The following NCALD variants were observed in gnomAD, a reference collection of about 807,000 sequenced individuals.
The protein encoded by NCALD is neurocalcin-delta.
Under a neutral mutation model 18.6 loss-of-function variants are expected in NCALD, and 10 were observed. That is an observed-to-expected ratio of 0.54 (90% CI 0.33 to 0.91). The LOEUF (loss-of-function observed/expected upper bound fraction) is 0.91, where lower values mean the gene tolerates loss of function less well. Ranked by LOEUF, NCALD falls within the 40% of genes least tolerant of loss-of-function variation. The pLI is 0.03. For missense variants in NCALD, 184 were observed against 247.6 expected (o/e 0.74, Z 1.72); for synonymous variants, 88 against 87.4 (o/e 1.01, Z -0.04).
At chr8:102,098,164 A>G (rs1825164445) in intron 1 of NCALD, among the ~76,000 whole-genome samples, 1 of 152,118 alleles carries the variant, frequency 6.6e-6, no homozygotes, top group Non-Finnish European at 1.5e-5. Context: ...GATTGGGATG[A>G]CCTCCAGTTG....
rs551978208 is a variant in NCALD, at chr8:101,729,498, C to A, written c.-19-9850G>T. ...TGCCCCCAGTGAGGCCTCTTCCCAG[C>A]GAGGCTGGGCATGTGAGCTCATATC... On this transcript the variant is annotated intron_variant, in intron 1 of 3. Coordinates refer to ENST00000220931, the MANE Select transcript of NCALD (RefSeq NM_032041.3). 3.7e-4 allele frequency among the ~76,000 whole-genome samples: 56 copies of A among 152,252 alleles called. 2 individuals carry two copies. Among genetic ancestry groups the A allele is most frequent in the Admixed American group, 1.0e-3 (16 of 15,292 alleles).
intron 2 of NCALD, among the ~76,000 whole-genome samples, chr8:101,971,694 T>G (rs1408291420): frequency 6.6e-6 from 1 of 152,104 alleles, no homozygotes; most frequent in Non-Finnish European, 1.5e-5. Context: ...ACTAATACAG[T>G]GATGGTCCAA....
intron 1 of NCALD, among the ~76,000 whole-genome samples, chr8:102,031,607 AAG>A (rs1240589054): frequency 5.9e-5 from 9 of 152,214 alleles, no homozygotes; most frequent in African/African-American, 1.9e-4. Flanking sequence ...TTGATTTAAA[AAG>A]AGTAAAGAAA....
At chr8:101,730,241 G>T (rs929415158) in intron 1 of NCALD, among the ~76,000 whole-genome samples, 1 of 151,932 alleles carries the variant, frequency 6.6e-6, no homozygotes, top group Non-Finnish European at 1.5e-5. Flanking sequence ...CAGCACTTTG[G>T]GAGGCCGAGG....
chr8:101,933,133 G>A (rs566565210), intron 2 of NCALD, among the ~76,000 whole-genome samples: 8 of 152,284 alleles, frequency 5.3e-5, no homozygotes, highest in East Asian at 3.9e-4. Flanking sequence ...ACCTAGGATC[G>A]CTGTTGTAGG....
intron 2 of NCALD, among the ~76,000 whole-genome samples, chr8:101,961,501 T>G (rs546508838): frequency 3.3e-5 from 5 of 152,198 alleles, no homozygotes; most frequent in Non-Finnish European, 7.4e-5. Flanking sequence ...TAGTCCTTTG[T>G]TGGTAAAAAC....
At chr8:102,038,153 A>G (rs1443974234) in intron 1 of NCALD, among the ~76,000 whole-genome samples, 1 of 152,010 alleles carries the variant, frequency 6.6e-6, no homozygotes, top group Non-Finnish European at 1.5e-5. Flanking sequence ...GCCTTACTAT[A>G]CCAAATTGAC....
intron 1 of NCALD, among the ~76,000 whole-genome samples, chr8:101,761,372 C>T (rs1811102567): frequency 6.6e-6 from 1 of 152,190 alleles, no homozygotes; most frequent in African/African-American, 2.4e-5. Context: ...GCAGCCTCCC[C>T]CAGCTTAGAA....
chr8:101,764,301 G>A (rs961723880), intron 1 of NCALD, among the ~76,000 whole-genome samples: 4 of 152,178 alleles, frequency 2.6e-5, no homozygotes, highest in African/African-American at 9.6e-5. Context: ...TTGAGAAGGA[G>A]CAGCTGTCGA....
intron 2 of NCALD, among the ~76,000 whole-genome samples, chr8:102,003,783 G>A (rs1324706661): frequency 6.6e-6 from 1 of 152,172 alleles, no homozygotes; most frequent in African/African-American, 2.4e-5. Flanking sequence ...AAAACCACAT[G>A]ATTATCTCAA....
intron 2 of NCALD, among the ~76,000 whole-genome samples, chr8:102,008,702 C>A (rs1821795566): frequency 6.6e-6 from 1 of 152,096 alleles, no homozygotes; most frequent in Non-Finnish European, 1.5e-5. Context: ...TTAACTACCC[C>A]AGACCAAGCC....
intron 2 of NCALD, among the ~76,000 whole-genome samples, chr8:101,965,492 T>C (rs1819990266): frequency 1.3e-5 from 2 of 152,186 alleles, no homozygotes; most frequent in Admixed American, 1.3e-4. Flanking sequence ...GAAACCATCA[T>C]TCTCAGCAAA....
chr8:101,977,394 G>A (rs1229563497), intron 2 of NCALD, among the ~76,000 whole-genome samples: 2 of 152,096 alleles, frequency 1.3e-5, no homozygotes, highest in African/African-American at 4.8e-5. Context: ...AAGAGAATTG[G>A]GAGATTTTTT....
At chr8:101,923,358 G>C (rs1440565416) in intron 2 of NCALD, among the ~76,000 whole-genome samples, 1 of 152,210 alleles carries the variant, frequency 6.6e-6, no homozygotes, top group Non-Finnish European at 1.5e-5. Flanking sequence ...GAGGCAAGGA[G>C]GTAAGATAGA....
intron 2 of NCALD, among the ~76,000 whole-genome samples, chr8:101,995,739 G>A (rs147394284): frequency 1.1e-4 from 17 of 152,282 alleles, no homozygotes; most frequent in African/African-American, 3.9e-4. Context: ...AGATTTGGGT[G>A]GAGACATATA....
At chr8:101,903,542 G>A (rs940908017) in intron 3 of NCALD, among the ~76,000 whole-genome samples, 1 of 152,122 alleles carries the variant, frequency 6.6e-6, no homozygotes, top group Non-Finnish European at 1.5e-5. Flanking sequence ...GCGAGAGCGA[G>A]GGAGAGAATG....
chr8:101,853,181 C>T (rs1815168092), intron 4 of NCALD, among the ~76,000 whole-genome samples: 1 of 152,116 alleles, frequency 6.6e-6, no homozygotes, highest in African/African-American at 2.4e-5. Flanking sequence ...TAAATTAAAA[C>T]CCATAAAGTA....
chr8:102,093,519 G>A (rs1303075477), intron 1 of NCALD, among the ~76,000 whole-genome samples: 1 of 152,196 alleles, frequency 6.6e-6, no homozygotes, highest in Admixed American at 6.5e-5. Context: ...AGCAAAAACA[G>A]AAGGTAGGTT....
At chr8:102,081,764 T>C (rs1824546815) in intron 1 of NCALD, among the ~76,000 whole-genome samples, 1 of 152,178 alleles carries the variant, frequency 6.6e-6, no homozygotes, top group Non-Finnish European at 1.5e-5. Context: ...TAAAGAGCTC[T>C]GCTGGCAGTC....
Sources: allele counts gnomAD v4.1 joint callset (sites outside exome capture counted in the v4.1 genomes callset), GRCh38; gene constraint gnomAD v4.1.1; transcripts MANE v1.5; gene names NCBI Gene and HGNC (gene_info 2026-07-23, HGNC 2026-07-21).